The following MAGI1 variants were observed in gnomAD, a reference collection of about 807,000 sequenced individuals.
MAGI1 encodes membrane associated guanylate kinase, WW and PDZ domain containing 1.
MAGI1 carries 58 observed loss-of-function variants against 139.9 expected under a neutral mutation model. The ratio of observed to expected loss-of-function variants is 0.41; its 90% CI spans 0.34 to 0.52. The LOEUF (loss-of-function observed/expected upper bound fraction) is 0.52, where lower values mean the gene tolerates loss of function less well. MAGI1 is among the 20% of genes least tolerant of loss of function. The pLI, the probability that MAGI1 is intolerant of heterozygous loss-of-function variation, is 0.12. For missense variants in MAGI1, 1,874 were observed against 1,901.6 expected (o/e 0.99, Z 0.27); for synonymous variants, 812 against 737.9 (o/e 1.10, Z -1.63).
intron 1 of MAGI1, among the ~76,000 whole-genome samples, chr3:65,902,291 C>T (rs1414248961): frequency 6.6e-6 from 1 of 152,194 alleles, no homozygotes; most frequent in African/African-American, 2.4e-5. Context: ...TCCAAAGTAT[C>T]TGACAAGGAG....
intron 2 of MAGI1, chr3:65,619,866 G>C: frequency 1.0e-6 from 1 of 985,000 alleles, no homozygotes; most frequent in Non-Finnish European, 1.2e-6. Flanking sequence ...TTCTCTTTTA[G>C]TAGGAACACC....
chr3:65,850,528 C>G (rs2059165442), intron 1 of MAGI1, among the ~76,000 whole-genome samples: 1 of 152,168 alleles, frequency 6.6e-6, no homozygotes, highest in Non-Finnish European at 1.5e-5. Context: ...ATTACATCAT[C>G]TAAAAGAGTT....
At chr3:65,884,504 TTAA>T in intron 1 of MAGI1, among the ~76,000 whole-genome samples, 1 of 152,226 alleles carries the variant, frequency 6.6e-6, no homozygotes, top group African/African-American at 2.4e-5. Flanking sequence ...AAGAATACAT[TTAA>T]GACAACTTGA....
chr3:65,543,479 T>A (rs549363117), intron 2 of MAGI1, among the ~76,000 whole-genome samples: 107 of 152,250 alleles, frequency 7.0e-4, no homozygotes, highest in African/African-American at 2.6e-3. Flanking sequence ...CTATTCACAA[T>A]AGCAAAGACT....
intron 1 of MAGI1, among the ~76,000 whole-genome samples, chr3:65,950,106 A>AAAAAAAAAAAAAAAAAAAAAAAAAAC (rs796698272): frequency 2.4e-5 from 2 of 84,200 alleles, no homozygotes; most frequent in African/African-American, 5.1e-5. Context: ...AAAAAAAAAA[A>AAAAAAAAAAAAAAAAAAAAAAAAAAC]CAGAACTAGC....
At chr3:65,635,064 A>G (rs1421805819) in intron 1 of MAGI1, among the ~76,000 whole-genome samples, 1 of 150,644 alleles carries the variant, frequency 6.6e-6, no homozygotes, top group Non-Finnish European at 1.5e-5. Flanking sequence ...GGAAACTTTC[A>G]AAGTAAAAAA....
intron 1 of MAGI1, among the ~76,000 whole-genome samples, chr3:65,957,855 G>T (rs765877967): frequency 3.9e-5 from 6 of 152,016 alleles, no homozygotes; most frequent in Non-Finnish European, 5.9e-5. Context: ...TGCAACCTCT[G>T]CCTCCCAGGT....
At chr3:65,772,494 A>C (rs2038036266) in intron 1 of MAGI1, among the ~76,000 whole-genome samples, 1 of 152,180 alleles carries the variant, frequency 6.6e-6, no homozygotes, top group South Asian at 2.1e-4. Flanking sequence ...AACTGAGCCA[A>C]CTGAGTTCTC....
chr3:65,791,870 C>G (rs535827505), intron 1 of MAGI1, among the ~76,000 whole-genome samples: 121 of 152,266 alleles, frequency 7.9e-4, no homozygotes, highest in African/African-American at 2.8e-3. Flanking sequence ...GCTGGGACCA[C>G]AGGCAATGCA....
At chr3:65,775,612 T>C (rs72908262) in intron 1 of MAGI1, among the ~76,000 whole-genome samples, 2,224 of 151,074 alleles carry the variant, frequency 0.015, 51 homozygotes, top group African/African-American at 0.051. Flanking sequence ...GTATTAACTA[T>C]GATTATGAAA....
intron 1 of MAGI1, among the ~76,000 whole-genome samples, chr3:65,869,604 G>A (rs1454652847): frequency 6.6e-6 from 1 of 151,872 alleles, no homozygotes; most frequent in Non-Finnish European, 1.5e-5. Flanking sequence ...GTTTCACTGT[G>A]TTAGCCAGGA....
intron 2 of MAGI1, among the ~76,000 whole-genome samples, chr3:65,521,100 G>C (rs7612933): frequency 1 from 152,320 of 152,322 alleles, 76,159 homozygotes; most frequent in Middle Eastern, 1. Context: ...GATGTAATAT[G>C]TACCACAGAC....
intron 2 of MAGI1, among the ~76,000 whole-genome samples, chr3:65,599,172 G>T (rs78051305): frequency 6.6e-6 from 1 of 152,096 alleles, no homozygotes; most frequent in Non-Finnish European, 1.5e-5. Context: ...CCTCTTTCTG[G>T]GGTATGTTGG....
At chr3:66,029,308 T>C (rs1407061812) in intron 1 of MAGI1, among the ~76,000 whole-genome samples, 4 of 152,200 alleles carry the variant, frequency 2.6e-5, no homozygotes, top group African/African-American at 9.7e-5. Context: ...CGCCTTTTAA[T>C]TGCACCATCA....
chr3:65,451,312 G>C (rs573108238), intron 6 of MAGI1, among the ~76,000 whole-genome samples: 19 of 152,220 alleles, frequency 1.2e-4, no homozygotes, highest in African/African-American at 4.6e-4. Context: ...TGACATTGAA[G>C]ACCCTATGGT....
At position 65,750,297 on chromosome 3, in the gene MAGI1, C is replaced by T. The variant is rs115763297; in HGVS notation, c.314-128209G>A. ...ATATGTGATGAGGAGGTTGGGAAAA[C>T]GGGCTTTTTAAAAAGGGAACAAGTA... is the stretch of plus-strand genomic sequence containing the variant. On this transcript the variant is annotated intron_variant, in intron 1 of 22. Transcript: ENST00000402939. 3.2e-3 allele frequency among the ~76,000 whole-genome samples: 492 copies of T among 152,108 alleles called. 2 individuals carry two copies. Among genetic ancestry groups the T allele is most frequent in the African/African-American group, 0.011 (445 of 41,500 alleles).
chr3:66,010,341 A>G (rs2107499721), intron 1 of MAGI1, among the ~76,000 whole-genome samples: 1 of 152,286 alleles, frequency 6.6e-6, no homozygotes, highest in Admixed American at 6.5e-5. Flanking sequence ...AGGGCTCCCA[A>G]TATGCATATC....
intron 1 of MAGI1, among the ~76,000 whole-genome samples, chr3:65,660,230 G>A (rs1169741621): frequency 6.6e-6 from 1 of 152,226 alleles, no homozygotes. Context: ...TTCACTAAGT[G>A]AGTGTCTCAT....
intron 1 of MAGI1, among the ~76,000 whole-genome samples, chr3:65,643,694 T>C (rs2085107023): frequency 6.6e-6 from 1 of 152,100 alleles, no homozygotes; most frequent in South Asian, 2.1e-4. Context: ...GCCTGTTCTC[T>C]CTAGCTAAAG....
Sources: allele counts gnomAD v4.1 joint callset (sites outside exome capture counted in the v4.1 genomes callset), GRCh38; gene constraint gnomAD v4.1.1; transcripts MANE v1.5; gene names NCBI Gene and HGNC (gene_info 2026-07-23, HGNC 2026-07-21).